The following IPO11 variants were observed in gnomAD, a reference collection of about 807,000 sequenced individuals.
IPO11 encodes the protein importin-11.
IPO11 carries 66 observed loss-of-function variants against 143.2 expected under a neutral mutation model. The ratio of observed to expected loss-of-function variants is 0.46; its 90% CI spans 0.38 to 0.57. The LOEUF is 0.57. Ranked by LOEUF, IPO11 falls within the 20% of genes least tolerant of loss-of-function variation. The pLI is 0.00. For synonymous variants in IPO11, 385 were observed against 377.8 expected (o/e 1.02, Z -0.22); for missense variants, 1,026 against 1,141.0 (o/e 0.90, Z 1.45).
intron 26 of IPO11, among the ~76,000 whole-genome samples, chr5:62,551,763 T>C (rs1481231361): frequency 1.3e-5 from 2 of 152,220 alleles, no homozygotes; most frequent in African/African-American, 4.8e-5. Flanking sequence ...CAAAGGTTTA[T>C]TTTTAAAAAT....
At chr5:62,517,936 G>A (rs529306200) in intron 20 of IPO11, among the ~76,000 whole-genome samples, 34 of 152,232 alleles carry the variant, frequency 2.2e-4, no homozygotes, top group Middle Eastern at 3.4e-3. Context: ...CTTGGAGAAA[G>A]CATATAACAT....
intron 24 of IPO11, among the ~76,000 whole-genome samples, chr5:62,540,786 A>G (rs1742909421): frequency 6.6e-6 from 1 of 152,216 alleles, no homozygotes; most frequent in East Asian, 1.9e-4. Context: ...TAGCAATGCC[A>G]AGCATGTAAT....
chr5:62,496,728 A>G (rs1741171275), intron 16 of IPO11, among the ~76,000 whole-genome samples: 1 of 152,234 alleles, frequency 6.6e-6, no homozygotes, highest in Non-Finnish European at 1.5e-5. Flanking sequence ...TATATATATA[A>G]ACATATACAC....
At chr5:62,454,122 G>A (rs796813421) in intron 5 of IPO11, among the ~76,000 whole-genome samples, 4 of 152,226 alleles carry the variant, frequency 2.6e-5, no homozygotes, top group African/African-American at 9.6e-5. Flanking sequence ...GTGACAGAGC[G>A]AGACTCCATC....
At chr5:62,560,056 T>C (rs1743722807) in intron 26 of IPO11, among the ~76,000 whole-genome samples, 1 of 152,090 alleles carries the variant, frequency 6.6e-6, no homozygotes, top group Non-Finnish European at 1.5e-5. Context: ...AATTGCTGTA[T>C]GTGCTCTTGG....
chr5:62,516,150 A>G (rs1432501661), intron 20 of IPO11, among the ~76,000 whole-genome samples: 1 of 152,254 alleles, frequency 6.6e-6, no homozygotes. Context: ...GAAATTTTCC[A>G]GTGGGGAAGA....
At chr5:62,513,315 ACCCCCCCACCTCCCTCCCAGACG>A (rs1741850496) in intron 19 of IPO11, among the ~76,000 whole-genome samples, 1 of 50,238 alleles carries the variant, frequency 2.0e-5, no homozygotes, top group Non-Finnish European at 3.7e-5. Flanking sequence ...CGTGGGGCTG[ACCCCCCCACCTCCCTCCCAGACG>A]GGGCGGCTGG....
At chr5:62,553,520 T>G (rs1370685281) in intron 26 of IPO11, among the ~76,000 whole-genome samples, 1 of 152,200 alleles carries the variant, frequency 6.6e-6, no homozygotes, top group Non-Finnish European at 1.5e-5. Context: ...GTAGTGAGAT[T>G]GCTGGATCAT....
rs754317065 is a variant in IPO11, at chr5:62,551,326, T to G, written c.2450T>G (p.Phe817Cys). Residue 817 changes from phenylalanine to cysteine, a missense_variant, in exon 26 of 30, where the codon TTT (phenylalanine) becomes TGT (cysteine). This residue lies in a region of IPO11 where 351 missense variants were observed against 358.9 expected (regional missense o/e 0.98). Coordinates refer to ENST00000325324, the MANE Select transcript of IPO11 (RefSeq NM_016338.5). ...CTACTTAATGAGATGGCCCATAAAT[T>G]TAATCAGGAGGTAAGAATCAATATA... ...SSLLNEMAHKFNQEMDQLLGN... is the reference protein window; with the variant it reads ...SSLLNEMAHKCNQEMDQLLGN... 36 of 1,539,094 alleles carry G rather than the reference T, an allele frequency of 2.3e-5. No individual in the cohort carries two copies. Among genetic ancestry groups the G allele is most frequent in the Non-Finnish European group, 3.1e-5 (34 of 1,114,118 alleles).
At chr5:62,430,866 T>C (rs1275446371) in intron 1 of IPO11, among the ~76,000 whole-genome samples, 2 of 151,580 alleles carry the variant, frequency 1.3e-5, no homozygotes, top group South Asian at 2.1e-4. Flanking sequence ...TTAGTAGAAA[T>C]GGGGTTTCAC....
Position 62,537,300 on chromosome 5 carries a change from C to T in IPO11, c.2250+11C>T. 6.8e-7 allele frequency: 1 copy of T among 1,476,172 alleles called. No homozygotes were observed. The highest frequency in any genetic ancestry group is 2.3e-5 in the East Asian group (1 of 44,104). 91.4% of individuals were successfully genotyped at this position (1,476,172 alleles called of 1,614,324 possible). A position where few individuals can be genotyped will look rare whatever the true frequency, so the allele number is the denominator to read the frequency against. ...GTTCAGGTGCTCAAGGTATTGTGAT[C>T]ATTTTAAATGAATATATTTATGAAT... On this transcript the variant is annotated intron_variant, in intron 24 of 29. Transcript: ENST00000325324.
chr5:62,545,853 A>G (rs1295410913), intron 24 of IPO11, among the ~76,000 whole-genome samples: 13 of 152,266 alleles, frequency 8.5e-5, no homozygotes, highest in Non-Finnish European at 1.3e-4. Flanking sequence ...AAAAATGCCC[A>G]TCATCACTGG....
At chr5:62,496,359 A>G (rs779371089) in intron 16 of IPO11, among the ~76,000 whole-genome samples, 1 of 151,960 alleles carries the variant, frequency 6.6e-6, no homozygotes, top group Non-Finnish European at 1.5e-5. Context: ...ATTAATATTC[A>G]TAGAATATAC....
Position 62,555,268 on chromosome 5 carries a change from A to AT in IPO11, c.2460+3942dup, listed in dbSNP as rs948137959. On this transcript the variant is annotated intron_variant, in intron 26 of 29. Coordinates refer to ENST00000325324, the MANE Select transcript of IPO11 (RefSeq NM_016338.5). ...GTGTCTTTTTTTTTGTATTTTTTGT[A>AT]TTTTTTTTTTACTTTTTTATGTTTT... Among the ~76,000 whole-genome samples the AT allele has an allele frequency of 5.1e-4, 74 of 144,178 alleles. 1 individual carries two copies. The highest frequency in any genetic ancestry group is 1.9e-3 in the Admixed American group (28 of 14,438). The allele number at this position is 144,178 out of a possible 152,430, so 94.6% of individuals were successfully genotyped here.
intron 6 of IPO11, among the ~76,000 whole-genome samples, chr5:62,469,633 A>T (rs960354287): frequency 3.3e-5 from 5 of 152,200 alleles, no homozygotes; most frequent in African/African-American, 1.2e-4. Context: ...CATTTTACAG[A>T]TGAGGAAACT....
chr5:62,446,198 C>T (rs1356053477), intron 3 of IPO11, among the ~76,000 whole-genome samples: 1 of 152,102 alleles, frequency 6.6e-6, no homozygotes, highest in Non-Finnish European at 1.5e-5. Context: ...GACTTTAAAA[C>T]AGTACACAAA....
chr5:62,456,427 T>C (rs1263016040), intron 5 of IPO11, among the ~76,000 whole-genome samples: 1 of 152,142 alleles, frequency 6.6e-6, no homozygotes, highest in Non-Finnish European at 1.5e-5. Context: ...CAGGGAGCAA[T>C]TGTAATGAAG....
intron 12 of IPO11, 48 bp downstream of exon 12, chr5:62,485,510 C>A (rs1454047662): frequency 4.3e-6 from 6 of 1,390,448 alleles, no homozygotes; most frequent in South Asian, 1.2e-5. Flanking sequence ...CTTAATCTTT[C>A]TAAAGCTCTT....
Position 62,487,802 on chromosome 5 carries a change from T to C in IPO11, c.1250T>C (p.Phe417Ser). ...ACTGAAGTATTATTTATAGATATAT[T>C]CCATGAATATAATCAGACTCTTACT... ...PCTEVLFIDI[F>S]HEYNQTLTPV... The change falls in exon 13 of 30, where the codon TTC becomes TCC. Residue 417 changes from phenylalanine to serine, a missense_variant. Phe to Ser is a radical substitution (Grantham distance 155, BLOSUM62 -2). This residue lies in a region of IPO11 where 237 missense variants were observed against 288.0 expected (regional missense o/e 0.82). Transcript: ENST00000325324. The C allele has an allele frequency of 1.2e-6, 2 of 1,608,506 alleles. No individual in the cohort carries two copies. Among genetic ancestry groups the C allele is most frequent in the Non-Finnish European group, 1.7e-6 (2 of 1,178,392 alleles).
Sources: allele counts gnomAD v4.1 joint callset (sites outside exome capture counted in the v4.1 genomes callset), GRCh38; gene constraint gnomAD v4.1.1; regional missense constraint gnomAD v4.1.1; transcripts MANE v1.5; gene names NCBI Gene and HGNC (gene_info 2026-07-23, HGNC 2026-07-21).